ZFHX3: variants seen among roughly 807,000 people sequenced by gnomAD.
ZFHX3 encodes zinc finger homeobox 3.
Under a neutral mutation model 279.1 loss-of-function variants are expected in ZFHX3, and 42 were observed. The observed-to-expected ratio is 0.15, with a 90% confidence interval of 0.12 to 0.19. The LOEUF (loss-of-function observed/expected upper bound fraction) is 0.19, where lower values mean the gene tolerates loss of function less well. Ranked by LOEUF, ZFHX3 falls within the 10% of genes least tolerant of loss-of-function variation. ZFHX3 has a pLI of 1.00. For synonymous variants in ZFHX3, 2,293 were observed against 1,957.8 expected, an observed-to-expected ratio of 1.17 and a Z score of -4.52; for missense variants, 4,981 against 4,754.0, an observed-to-expected ratio of 1.05 and a Z score of -1.40.
At chr16:73,672,095 A>G (rs1233386312) in intron 2 of ZFHX3, among the ~76,000 whole-genome samples, 1 of 152,166 alleles carries the variant, frequency 6.6e-6, no homozygotes, top group Non-Finnish European at 1.5e-5. Flanking sequence ...ATAAAAATCA[A>G]TGATAGTTTA....
At chr16:73,530,078 G>A (rs1300994975) in intron 2 of ZFHX3, among the ~76,000 whole-genome samples, 1 of 152,184 alleles carries the variant, frequency 6.6e-6, no homozygotes, top group African/African-American at 2.4e-5. Flanking sequence ...CAGACAAAAA[G>A]AGGTTTAATG....
intron 5 of ZFHX3, among the ~76,000 whole-genome samples, chr16:73,243,293 A>T (rs2013180952): frequency 6.6e-6 from 1 of 152,236 alleles, no homozygotes; most frequent in African/African-American, 2.4e-5. Context: ...TTCAGCAAAG[A>T]ACAATATTTC....
chr16:73,790,214 C>T (rs1003593552), intron 1 of ZFHX3, among the ~76,000 whole-genome samples: 1 of 151,102 alleles, frequency 6.6e-6, no homozygotes, highest in Non-Finnish European at 1.5e-5. Flanking sequence ...CAGAATGTAT[C>T]CTGGATCTTA....
intron 1 of ZFHX3, among the ~76,000 whole-genome samples, chr16:73,787,918 C>T (rs779864621): frequency 2.6e-5 from 4 of 151,354 alleles, no homozygotes; most frequent in Non-Finnish European, 5.9e-5. Context: ...GTTTTTGTAT[C>T]GGTCAGGGCC....
chr16:73,294,996 G>A (rs1289141100), intron 4 of ZFHX3, among the ~76,000 whole-genome samples: 6 of 152,018 alleles, frequency 3.9e-5, no homozygotes, highest in Admixed American at 1.3e-4. Context: ...GGCGGATCAC[G>A]AGGTCAGGAG....
chr16:73,070,016 T>G (rs566206640), intron 8 of ZFHX3, among the ~76,000 whole-genome samples: 1 of 152,302 alleles, frequency 6.6e-6, no homozygotes, highest in South Asian at 2.1e-4. Flanking sequence ...TCAGATAAAG[T>G]TTCCAGAGGT....
chr16:73,547,499 G>T (rs912958324), intron 2 of ZFHX3, among the ~76,000 whole-genome samples: 1 of 152,066 alleles, frequency 6.6e-6, no homozygotes, highest in Non-Finnish European at 1.5e-5. Context: ...CCCAAATGAG[G>T]TCTCTAAAGA....
chr16:73,610,512 C>T (rs1224954876), intron 2 of ZFHX3, among the ~76,000 whole-genome samples: 2 of 152,086 alleles, frequency 1.3e-5, no homozygotes, highest in African/African-American at 2.4e-5. Context: ...AAAAGCACTC[C>T]AAGGCACCTT....
intron 5 of ZFHX3, among the ~76,000 whole-genome samples, chr16:72,825,270 C>A (rs1027137289): frequency 6.6e-6 from 1 of 152,228 alleles, no homozygotes; most frequent in Non-Finnish European, 1.5e-5. Context: ...GGTTGATAAT[C>A]CAGTTCATTT....
chr16:73,382,846 G>A (rs1416632074), intron 3 of ZFHX3, among the ~76,000 whole-genome samples: 1 of 152,194 alleles, frequency 6.6e-6, no homozygotes, highest in Admixed American at 6.5e-5. Flanking sequence ...CAAGAGCTGG[G>A]ATGAGGGCTA....
intron 1 of ZFHX3, among the ~76,000 whole-genome samples, chr16:73,042,451 C>A (rs182706685): frequency 6.6e-6 from 1 of 152,136 alleles, no homozygotes; most frequent in Non-Finnish European, 1.5e-5. Context: ...GAGTCAGGAA[C>A]AACCAAGAAA....
At chr16:72,842,409 G>A (rs116842573) in intron 4 of ZFHX3, among the ~76,000 whole-genome samples, 2 of 152,172 alleles carry the variant, frequency 1.3e-5, no homozygotes, top group African/African-American at 2.4e-5. Context: ...GTGAAATACA[G>A]AAACTGGACA....
At chr16:72,920,755 A>G (rs1415157481) in intron 3 of ZFHX3, among the ~76,000 whole-genome samples, 2 of 151,550 alleles carry the variant, frequency 1.3e-5, no homozygotes, top group Admixed American at 1.3e-4. Flanking sequence ...CAAGTGGAAG[A>G]CAACAACTTT....
intron 2 of ZFHX3, chr16:73,483,351 A>AG (rs2018907050): frequency 1.6e-5 from 7 of 434,786 alleles, no homozygotes; most frequent in South Asian, 8.2e-5. Context: ...GAGAGAGAGA[A>AG]AGAGAGAGAG....
chr16:73,486,257 C>T (rs976798761), intron 2 of ZFHX3, among the ~76,000 whole-genome samples: 1 of 152,232 alleles, frequency 6.6e-6, no homozygotes, highest in Non-Finnish European at 1.5e-5. Flanking sequence ...TTACTTCATC[C>T]TCTTCATTTA....
chr16:72,854,337 G>A (rs769439146), intron 4 of ZFHX3, among the ~76,000 whole-genome samples: 4 of 152,276 alleles, frequency 2.6e-5, no homozygotes, highest in Non-Finnish European at 4.4e-5. Context: ...CTTCTATACC[G>A]AAAGAAATGG....
intron 1 of ZFHX3, among the ~76,000 whole-genome samples, chr16:73,707,396 G>A (rs113437781): frequency 0.025 from 3,743 of 152,082 alleles, 152 homozygotes; most frequent in African/African-American, 0.086. Context: ...AGCAAGTTGT[G>A]GATGGAGACC....
At chr16:73,472,313 T>C (rs936939841) in intron 2 of ZFHX3, among the ~76,000 whole-genome samples, 21 of 147,338 alleles carry the variant, frequency 1.4e-4, no homozygotes, top group South Asian at 2.2e-4. Flanking sequence ...CCCAAAGACA[T>C]AGCTCTTGGA....
chr16:73,140,860 C>T (rs528162442), intron 6 of ZFHX3, among the ~76,000 whole-genome samples: 4 of 152,046 alleles, frequency 2.6e-5, no homozygotes, highest in Non-Finnish European at 5.9e-5. Context: ...CCAAAAACAA[C>T]AAACAAACAA....
Sources: allele counts gnomAD v4.1 joint callset (sites outside exome capture counted in the v4.1 genomes callset), GRCh38; gene constraint gnomAD v4.1.1; transcripts MANE v1.5; gene names NCBI Gene and HGNC (gene_info 2026-07-23, HGNC 2026-07-21).